NCAN: variants seen among roughly 807,000 people sequenced by gnomAD.
The protein encoded by NCAN is neurocan, also known as neurocan core protein.
A neutral mutation model predicts 121.8 loss-of-function variants in NCAN; 47 were observed. The ratio of observed to expected loss-of-function variants is 0.39; its 90% CI spans 0.31 to 0.49. NCAN has a LOEUF of 0.49. NCAN is among the 20% of genes least tolerant of loss of function. The probability of loss-of-function intolerance (pLI) is 0.92; values close to 1 mark genes in which losing one functional copy is unlikely to be tolerated. For synonymous variants in NCAN, 633 were observed against 702.0 expected (o/e 0.90, Z 1.55); for missense variants, 1,517 against 1,773.4 (o/e 0.86, Z 2.60).
intron 10 of NCAN, among the ~76,000 whole-genome samples, chr19:19,235,352 C>T (rs750889379): frequency 5.9e-5 from 9 of 152,122 alleles, no homozygotes; most frequent in Non-Finnish European, 4.4e-5. Flanking sequence ...TCACTGCAAC[C>T]CCCACCTCCC....
chr19:19,215,230 T>C (rs1016647337), intron 1 of NCAN, among the ~76,000 whole-genome samples: 1 of 152,156 alleles, frequency 6.6e-6, no homozygotes. Flanking sequence ...AGCCTCCCCT[T>C]CTGGACTCCG....
chr19:19,245,346 A>G lies in NCAN; in HGVS notation c.3526A>G (p.Asn1176Asp), dbSNP rs774316824. The change falls in exon 13 of 15, where the codon AAT becomes GAT. Residue 1176 changes from asparagine (N) to aspartate (D), a missense_variant. By Grantham distance (23) the Asn-to-Asp change is conservative. Coordinates refer to ENST00000252575, the MANE Select transcript of NCAN (RefSeq NM_004386.3). ...FENWRENQPD[N>D]FFAGGEDCVV... ...GAACTGGCGAGAGAACCAGCCGGAC[A>G]ATTTCTTCGCGGGTGGCGAGGACTG... 1 of 1,614,196 alleles carries G rather than the reference A, an allele frequency of 6.2e-7. No homozygotes were observed. Among genetic ancestry groups the G allele is most frequent in the East Asian group, 2.2e-5 (1 of 44,886 alleles).
chr19:19,218,847 G>A, intron 2 of NCAN, 68 bp from the exon 3 acceptor site: 1 of 1,390,886 alleles, frequency 7.2e-7, no homozygotes, highest in Non-Finnish European at 9.4e-7. Context: ...TTTTAAAAGA[G>A]GGAAATAGCA....
chr19:19,219,672 CAAAAA>C (rs56231208), intron 3 of NCAN, among the ~76,000 whole-genome samples: 1 of 49,256 alleles, frequency 2.0e-5, no homozygotes, highest in Admixed American at 3.5e-4. Flanking sequence ...GACCCTGTCA[CAAAAA>C]AAAAAAAAAA....
At chr19:19,238,139 T>C (rs1018046602) in intron 10 of NCAN, 114 bp from the exon 11 acceptor site, 1 of 1,408,586 alleles carries the variant, frequency 7.1e-7, no homozygotes, top group Non-Finnish European at 9.9e-7. Flanking sequence ...AGGGGTGATT[T>C]CGCCCCGCAG....
chr19:19,217,795 T>C (rs2060801110), intron 2 of NCAN, among the ~76,000 whole-genome samples: 1 of 152,144 alleles, frequency 6.6e-6, no homozygotes, highest in South Asian at 2.1e-4. Context: ...CAGGCTAGCC[T>C]GCCTAACATG....
rs202205995 is a variant in NCAN at position 19,218,982 on chromosome 19, G to A, written c.141G>A (p.Val47=). ...TGCAGAAGCTGGGGTCTGGGTCAGT[G>A]CAGGCTGCGCTGGCGGAGCTGGTGG... ...LHMQKLGSGS[V]QAALAELVAL... Residue 47 remains valine (V), a synonymous_variant, in exon 3 of 15, where the codon GTG becomes GTA. Transcript: ENST00000252575. 1.3e-6 allele frequency: 2 copies of A among 1,582,536 alleles called. No homozygotes were observed. The highest frequency in any genetic ancestry group is 4.5e-5 in the East Asian group (2 of 44,558).
intron 12 of NCAN, among the ~76,000 whole-genome samples, chr19:19,242,660 G>A (rs890841169): frequency 3.3e-5 from 5 of 152,342 alleles, no homozygotes; most frequent in Admixed American, 3.3e-4. Context: ...CTGCACTCCA[G>A]CCTGGGTGAC....
chr19:19,235,168 A>G, intron 10 of NCAN, 72 bp downstream of exon 10: 2 of 901,380 alleles, frequency 2.2e-6, no homozygotes, highest in South Asian at 1.5e-5. Flanking sequence ...GCTTCCCCAC[A>G]TACTCCAGGT....
chr19:19,250,571 A>C lies in NCAN; in HGVS notation c.*660A>C. 1 of 212,468 alleles carries C rather than the reference A, an allele frequency of 4.7e-6. No homozygotes were observed. The highest frequency in any genetic ancestry group is 9.5e-6 in the Non-Finnish European group (1 of 105,354). 13.2% of individuals were successfully genotyped at this position (212,468 alleles called of 1,614,324 possible). A position where few individuals can be genotyped will look rare whatever the true frequency, so the allele number is the denominator to read the frequency against. Reference sequence around the variant, plus strand: ...TAGGAGTGAGAATGATCAAAGCAATATGTAGGTGATGGAGGGAGAGTGTAT... The same window carrying C: ...TAGGAGTGAGAATGATCAAAGCAATCTGTAGGTGATGGAGGGAGAGTGTAT... On this transcript the variant is annotated 3_prime_UTR_variant, in exon 15 of 15. Coordinates refer to ENST00000252575, the MANE Select transcript of NCAN (RefSeq NM_004386.3).
In NCAN at chr19:19,250,219, T is replaced by C. The variant is rs1331853488; in HGVS notation, c.*308T>C. On this transcript the variant is annotated 3_prime_UTR_variant, in exon 15 of 15. Coordinates refer to ENST00000252575, the MANE Select transcript of NCAN (RefSeq NM_004386.3). Reference sequence around the variant, plus strand: ...TGGTCTGGTCTCTTGTTTGCCAGGCTGATTGAAGCAGGCCTTGATGAGGGT... The same window carrying C: ...TGGTCTGGTCTCTTGTTTGCCAGGCCGATTGAAGCAGGCCTTGATGAGGGT... 2 of 564,096 alleles carry C rather than the reference T, an allele frequency of 3.5e-6. No homozygotes were observed. The highest frequency in any genetic ancestry group is 6.7e-6 in the Non-Finnish European group (2 of 297,010). 34.9% of individuals were successfully genotyped at this position (564,096 alleles called of 1,614,324 possible).
At chr19:19,248,643 C>T in intron 13 of NCAN, 57 bp from the exon 14 acceptor site, 1 of 1,534,370 alleles carries the variant, frequency 6.5e-7, no homozygotes, top group Non-Finnish European at 8.9e-7. Context: ...ACAACAACAA[C>T]AACTAGTTTA....
intron 13 of NCAN, among the ~76,000 whole-genome samples, chr19:19,247,942 G>A (rs938980336): frequency 6.6e-6 from 1 of 152,016 alleles, no homozygotes; most frequent in Non-Finnish European, 1.5e-5. Context: ...GAGCCCATGA[G>A]TTCAAAACTA....
Position 19,251,758 on chromosome 19 carries a change from C to T in NCAN, c.*1847C>T, listed in dbSNP as rs192571322. 9 of 152,302 alleles carry T rather than the reference C, an allele frequency of 5.9e-5. No homozygotes were observed. The East Asian group carries it at 1.7e-3, about 29-fold the overall frequency. 9.4% of individuals were successfully genotyped at this position (152,302 alleles called of 1,614,324 possible). ...AATCTTCCTCCCTGTAGACATCTAT[C>T]TTATTATGGTTATTATTCAGAAAAC... On this transcript the variant is annotated 3_prime_UTR_variant, in exon 15 of 15. Transcript: ENST00000252575.
chr19:19,240,525 C>T (rs1352309994), intron 11 of NCAN, 78 bp from the exon 12 acceptor site: 16 of 1,419,940 alleles, frequency 1.1e-5, no homozygotes, highest in Admixed American at 1.7e-5. Context: ...ACACCCTACC[C>T]CACCTCACCT....
Position 19,220,847 on chromosome 19 carries a change from G to T in NCAN, c.475+1531G>T, listed in dbSNP as rs1437856767. Among the ~76,000 whole-genome samples, 7 of 152,132 alleles carry T rather than the reference G, an allele frequency of 4.6e-5. No individual in the cohort carries two copies. The South Asian group carries it at 1.5e-3, about 32-fold the overall frequency. On this transcript the variant is annotated intron_variant, in intron 3 of 14. Transcript: ENST00000252575. The stretch of plus-strand genomic sequence containing the variant: ...CACTTTGGGAGGCTGAAGAGGAAGG[G>T]TCACTTCAGCCAGGAATTCAAGACC...
At chr19:19,249,069 GTGTGTGTGTGTA>G in intron 14 of NCAN, 187 bp downstream of exon 14, 5 of 609,410 alleles carry the variant, frequency 8.2e-6, no homozygotes, top group Non-Finnish European at 1.4e-5. Flanking sequence ...GTGTGTGTGT[GTGTGTGTGTGTA>G]TGTGTATGAG....
At chr19:19,229,542 C>T (rs28475118) in intron 8 of NCAN, among the ~76,000 whole-genome samples, 1 of 152,188 alleles carries the variant, frequency 6.6e-6, no homozygotes, top group Non-Finnish European at 1.5e-5. Context: ...CCCCATTCTA[C>T]AGATAGCAAA....
intron 8 of NCAN, among the ~76,000 whole-genome samples, chr19:19,231,693 A>G (rs2146546979): frequency 6.6e-6 from 1 of 152,230 alleles, no homozygotes; most frequent in South Asian, 2.1e-4. Context: ...ATAAAAAAGT[A>G]CATGAGGCCG....
Sources: gnomAD v4.1 joint callset for allele counts (sites outside exome capture counted in the v4.1 genomes callset) on GRCh38, gnomAD v4.1.1 for gene constraint, MANE v1.5 for transcripts, NCBI Gene and HGNC (gene_info 2026-07-23, HGNC 2026-07-21) for gene names.